RELN: variants seen among roughly 807,000 people sequenced by gnomAD.
RELN encodes reelin.
In RELN, 108 loss-of-function variants were observed where a neutral mutation model predicts 427.6. The ratio of observed to expected loss-of-function variants is 0.25; its 90% confidence interval spans 0.22 to 0.30. The LOEUF is 0.30. Among genes scored for constraint, RELN ranks in the 10% least tolerant of loss-of-function variants. The probability of loss-of-function intolerance (pLI) is 1.00; values close to 1 mark genes in which losing one functional copy is unlikely to be tolerated. For synonymous variants in RELN, 1,524 were observed against 1,513.4 expected (o/e 1.01, Z -0.16); for missense variants, 3,715 against 4,302.8 (o/e 0.86, Z 3.82).
In RELN at chr7:103,654,178, T is replaced by C. The variant is rs1193971751; in HGVS notation, c.1469A>G (p.His490Arg). 1 of 1,611,400 alleles carries C rather than the reference T, an allele frequency of 6.2e-7. No homozygotes were observed. The highest frequency in any genetic ancestry group is 8.5e-7 in the Non-Finnish European group (1 of 1,178,094). Residue 490 changes from histidine (H) to arginine (R), a missense_variant, in exon 13 of 65, where the codon CAT becomes CGT. By Grantham distance (29) the His-to-Arg change is conservative (BLOSUM62 0). Around this residue, in one of 4 missense-constraint regions of RELN, gnomAD observed 2,208 missense variants for 2,361.7 expected, o/e 0.93. Transcript: ENST00000428762. ...TGCATACAGGATTATGTCATTTTCA[T>C]GAGAATTTCCAGGGTCACAAATTCC... is the stretch of plus-strand genomic sequence containing the variant. ...MGGICDPGNS[H>R]ENDIILYAKI... is the part of the protein sequence containing the mutation.
chr7:103,665,529 A>G (rs1251482781), intron 11 of RELN, among the ~76,000 whole-genome samples: 1 of 152,134 alleles, frequency 6.6e-6, no homozygotes, highest in Non-Finnish European at 1.5e-5. Flanking sequence ...GAGTTCTATT[A>G]AAAACCCTAC....
At chr7:103,633,742 C>A (rs1446427381) in intron 19 of RELN, among the ~76,000 whole-genome samples, 1 of 152,062 alleles carries the variant, frequency 6.6e-6, no homozygotes, top group Non-Finnish European at 1.5e-5. Flanking sequence ...CTGAATTTTG[C>A]AGCTGTCCAT....
rs140484796 is a variant in RELN, at chr7:103,946,089, T to C, written c.227-28904A>G. Among the ~76,000 whole-genome samples the C allele has an allele frequency of 2.0e-3, 310 of 152,320 alleles. 2 individuals are homozygous for C. Among genetic ancestry groups the C allele is most frequent in the African/African-American group, 7.1e-3 (294 of 41,588 alleles). ...ATCTCTCAAAAGACCAGAAGCTTCATAAAGCACTGACTGTGTTTGCCTTGT... is the reference window on the plus strand; with the variant it reads ...ATCTCTCAAAAGACCAGAAGCTTCACAAAGCACTGACTGTGTTTGCCTTGT... On this transcript the variant is annotated intron_variant, in intron 1 of 64. Transcript: ENST00000428762.
chr7:103,713,462 GAT>G (rs1789855844), intron 8 of RELN, among the ~76,000 whole-genome samples: 1 of 152,180 alleles, frequency 6.6e-6, no homozygotes, highest in Admixed American at 6.5e-5. Flanking sequence ...TGGAAAGAGA[GAT>G]AGAGATGAAT....
intron 4 of RELN, among the ~76,000 whole-genome samples, chr7:103,754,430 AGGT>A (rs930148575): frequency 4.6e-5 from 7 of 151,846 alleles, no homozygotes; most frequent in African/African-American, 1.7e-4. Flanking sequence ...ATCAAGCAGG[AGGT>A]GGTGGAGTTA....
chr7:103,669,421 A>T (rs1439068260), intron 11 of RELN, among the ~76,000 whole-genome samples: 1 of 152,168 alleles, frequency 6.6e-6, no homozygotes, highest in African/African-American at 2.4e-5. Context: ...CACTGGCTCA[A>T]ACATGGTTGG....
At position 103,745,034 on chromosome 7, in the gene RELN, G is replaced by A. The variant is rs142075782; in HGVS notation, c.656+4392C>T. ...ATCCTCAGTAAAATACTGGGAAACC[G>A]AATCCAGCAGCACATCGAAAAGCTT... On this transcript the variant is annotated intron_variant, in intron 6 of 64. Coordinates refer to ENST00000428762, the MANE Select transcript of RELN (RefSeq NM_005045.4). Among the ~76,000 whole-genome samples the A allele has an allele frequency of 4.4e-3, 672 of 152,282 alleles. 5 individuals carry two copies. The highest frequency in any genetic ancestry group is 0.015 in the African/African-American group (633 of 41,552).
intron 16 of RELN, among the ~76,000 whole-genome samples, chr7:103,646,076 T>C (rs1832790435): frequency 6.6e-6 from 1 of 151,764 alleles, no homozygotes; most frequent in African/African-American, 2.4e-5. Context: ...AAAAAAATTT[T>C]GAAATGAGTG....
chr7:103,474,167 TCA>T (rs916693382), intron 64 of RELN, among the ~76,000 whole-genome samples: 2 of 152,140 alleles, frequency 1.3e-5, no homozygotes, highest in African/African-American at 2.4e-5. Context: ...CAAGATAATT[TCA>T]CAGTTTCATC....
chr7:103,879,344 C>T (rs972481758), intron 2 of RELN, among the ~76,000 whole-genome samples: 37 of 152,204 alleles, frequency 2.4e-4, no homozygotes, highest in African/African-American at 8.7e-4. Flanking sequence ...GTTCCCTCCT[C>T]TTATGTTTTA....
chr7:103,966,079 C>T (rs766355817), intron 1 of RELN, among the ~76,000 whole-genome samples: 1 of 152,170 alleles, frequency 6.6e-6, no homozygotes, highest in Non-Finnish European at 1.5e-5. Context: ...AAAAACAAGA[C>T]AAGTTCCTAT....
intron 24 of RELN, among the ~76,000 whole-genome samples, chr7:103,602,666 C>G (rs1831701203): frequency 6.6e-6 from 1 of 152,086 alleles, no homozygotes; most frequent in Non-Finnish European, 1.5e-5. Context: ...GAACATCACA[C>G]ACTGGGGCCT....
At chr7:103,922,597 C>A (rs1795640644) in intron 1 of RELN, among the ~76,000 whole-genome samples, 1 of 152,120 alleles carries the variant, frequency 6.6e-6, no homozygotes, top group South Asian at 2.1e-4. Flanking sequence ...TGTAGTGACA[C>A]AATTCAATTC....
intron 11 of RELN, among the ~76,000 whole-genome samples, chr7:103,669,677 A>T (rs1053745671): frequency 2.6e-5 from 4 of 152,076 alleles, no homozygotes; most frequent in African/African-American, 9.6e-5. Context: ...AGTTCTGTCA[A>T]CATCTCGGAT....
chr7:103,970,819 T>C (rs1275269631), intron 1 of RELN, among the ~76,000 whole-genome samples: 1 of 152,206 alleles, frequency 6.6e-6, no homozygotes, highest in Non-Finnish European at 1.5e-5. Flanking sequence ...CAGTCTTCAT[T>C]GAGTATTACT....
At chr7:103,792,236 A>G (rs1792182039) in intron 3 of RELN, among the ~76,000 whole-genome samples, 1 of 152,212 alleles carries the variant, frequency 6.6e-6, no homozygotes, top group East Asian at 1.9e-4. Flanking sequence ...AAACACATGA[A>G]CACATGTTCA....
intron 43 of RELN, among the ~76,000 whole-genome samples, chr7:103,540,748 C>A (rs1830160115): frequency 6.6e-6 from 1 of 152,080 alleles, no homozygotes; most frequent in Non-Finnish European, 1.5e-5. Flanking sequence ...TTTGGCTCTT[C>A]TATAAAAAGA....
intron 2 of RELN, among the ~76,000 whole-genome samples, chr7:103,843,738 A>T (rs1234861105): frequency 6.6e-6 from 1 of 152,210 alleles, no homozygotes; most frequent in East Asian, 1.9e-4. Context: ...CTGTTCTCCC[A>T]AGGGGCAAAG....
At chr7:103,788,743 G>T (rs117303465) in intron 3 of RELN, among the ~76,000 whole-genome samples, 7,411 of 152,104 alleles carry the variant, frequency 0.049, 274 homozygotes, top group African/African-American at 0.1. Context: ...AATCAATATC[G>T]TGAAAATATA....
Sources: gnomAD v4.1 joint callset for allele counts (sites outside exome capture counted in the v4.1 genomes callset) on GRCh38, gnomAD v4.1.1 for gene constraint, gnomAD v4.1.1 regional missense constraint, MANE v1.5 for transcripts, NCBI Gene and HGNC (gene_info 2026-07-23, HGNC 2026-07-21) for gene names.